Variants in NRG3 observed in about 807,000 individuals in gnomAD.
NRG3 encodes the protein neuregulin 3, also known as pro-neuregulin-3, membrane-bound isoform.
NRG3 carries 31 observed loss-of-function variants against 66.9 expected under a neutral mutation model. The observed-to-expected ratio is 0.46, with a 90% CI of 0.35 to 0.63. The LOEUF (loss-of-function observed/expected upper bound fraction) is 0.63, where lower values mean the gene tolerates loss of function less well. NRG3 is among the 20% of genes least tolerant of loss of function. The pLI, the probability that NRG3 is intolerant of heterozygous loss-of-function variation, is 0.00. For synonymous variants in NRG3, 393 were observed against 359.4 expected, an observed-to-expected ratio of 1.09 and a Z score of -1.06; for missense variants, 910 against 878.9, an observed-to-expected ratio of 1.04 and a Z score of -0.45.
intron 1 of NRG3, among the ~76,000 whole-genome samples, chr10:82,009,330 T>G (rs1447489443): frequency 6.6e-6 from 1 of 152,144 alleles, no homozygotes; most frequent in East Asian, 1.9e-4. Flanking sequence ...TTTGTAACCT[T>G]TTCCTGAATA....
At chr10:82,515,797 C>T (rs1330521041) in intron 2 of NRG3, among the ~76,000 whole-genome samples, 1 of 152,162 alleles carries the variant, frequency 6.6e-6, no homozygotes, top group Non-Finnish European at 1.5e-5. Context: ...AGGGCTTCTT[C>T]TGGAAGTTTA....
chr10:82,502,068 G>C (rs559800766), intron 2 of NRG3, among the ~76,000 whole-genome samples: 1 of 152,114 alleles, frequency 6.6e-6, no homozygotes, highest in Non-Finnish European at 1.5e-5. Flanking sequence ...GCAGAGAGAG[G>C]GTTCATTTGA....
At chr10:82,953,157 A>G (rs924924539) in intron 5 of NRG3, among the ~76,000 whole-genome samples, 1 of 151,946 alleles carries the variant, frequency 6.6e-6, no homozygotes, top group African/African-American at 2.4e-5. Context: ...TGGCTGTGGC[A>G]GTTGTAACTA....
At chr10:82,620,974 A>G (rs1165796347) in intron 2 of NRG3, among the ~76,000 whole-genome samples, 2 of 152,206 alleles carry the variant, frequency 1.3e-5, no homozygotes, top group Non-Finnish European at 2.9e-5. Context: ...CAAGGATATT[A>G]CATATATATC....
At chr10:82,937,751 T>C (rs191674827) in intron 4 of NRG3, among the ~76,000 whole-genome samples, 3 of 152,298 alleles carry the variant, frequency 2.0e-5, no homozygotes, top group Admixed American at 1.3e-4. Flanking sequence ...TGTGATTAGC[T>C]GAAACTCAGT....
At chr10:82,005,979 T>A (rs1338448360) in intron 1 of NRG3, among the ~76,000 whole-genome samples, 1 of 151,652 alleles carries the variant, frequency 6.6e-6, no homozygotes, top group East Asian at 1.9e-4. Context: ...ACACATGAGT[T>A]TTTTTAGCAT....
chr10:82,519,203 C>T (rs937931914), intron 2 of NRG3, among the ~76,000 whole-genome samples: 1 of 152,168 alleles, frequency 6.6e-6, no homozygotes, highest in African/African-American at 2.4e-5. Flanking sequence ...GTCCGGAGTA[C>T]TTCCAAGTGT....
At chr10:82,166,633 T>C (rs2072079328) in intron 1 of NRG3, 1 of 340,114 alleles carries the variant, frequency 2.9e-6, no homozygotes, top group Admixed American at 4.6e-5. Flanking sequence ...AATAATTATG[T>C]CTATATATAC....
At chr10:81,982,188 G>C (rs1350625586) in intron 1 of NRG3, among the ~76,000 whole-genome samples, 1 of 152,098 alleles carries the variant, frequency 6.6e-6, no homozygotes, top group Non-Finnish European at 1.5e-5. Context: ...TGAATACCCA[G>C]GTTTGTCACC....
intron 4 of NRG3, among the ~76,000 whole-genome samples, chr10:82,940,184 C>T (rs1322427539): frequency 1.3e-5 from 2 of 152,116 alleles, no homozygotes; most frequent in East Asian, 1.9e-4. Flanking sequence ...TTTTAGGGAT[C>T]GGTGGGCAGA....
chr10:82,828,878 A>G (rs182610127), intron 3 of NRG3, among the ~76,000 whole-genome samples: 130 of 152,310 alleles, frequency 8.5e-4, no homozygotes, highest in Middle Eastern at 6.8e-3. Context: ...TATGCTGAAC[A>G]TCTGATGGGA....
At chr10:82,767,496 C>T (rs1341983943) in intron 3 of NRG3, among the ~76,000 whole-genome samples, 2 of 152,064 alleles carry the variant, frequency 1.3e-5, no homozygotes, top group African/African-American at 4.8e-5. Flanking sequence ...TCCTGTTCAT[C>T]TGCTCTATTA....
intron 1 of NRG3, among the ~76,000 whole-genome samples, chr10:82,002,870 T>A (rs1010844360): frequency 2.0e-5 from 3 of 152,222 alleles, no homozygotes; most frequent in Non-Finnish European, 2.9e-5. Flanking sequence ...TTAAAAAAAA[T>A]TGAGTGCTAA....
chr10:82,450,217 C>T (rs927083654), intron 2 of NRG3, among the ~76,000 whole-genome samples: 2 of 152,112 alleles, frequency 1.3e-5, no homozygotes, highest in African/African-American at 4.8e-5. Context: ...TTTAATTACC[C>T]CCATGGGCCT....
chr10:81,908,789 G>A (rs771309514), intron 1 of NRG3, among the ~76,000 whole-genome samples: 1 of 152,170 alleles, frequency 6.6e-6, no homozygotes, highest in Non-Finnish European at 1.5e-5. Context: ...TGCATCTGGT[G>A]TCAGCTGCTG....
At chr10:82,127,386 T>A (rs116045383) in intron 1 of NRG3, among the ~76,000 whole-genome samples, 98 of 152,140 alleles carry the variant, frequency 6.4e-4, no homozygotes, top group African/African-American at 2.2e-3. Flanking sequence ...TTTTAGAACG[T>A]GGCAAAACAA....
Position 82,358,888 on chromosome 10 carries a change from G to C in NRG3, c.953+20G>C. ...CTGTCGGTAAGCCACTGAGGCCACT[G>C]ATGGAAAGGGCAGGCCCGTTGCAAG... On this transcript the variant is annotated intron_variant, in intron 2 of 8. Transcript: ENST00000372141. The C allele has an allele frequency of 6.2e-7, 1 of 1,614,050 alleles. No homozygotes were observed. Among genetic ancestry groups the C allele is most frequent in the Non-Finnish European group, 8.5e-7 (1 of 1,179,968 alleles).
At chr10:82,852,612 C>A (rs1467001006) in intron 3 of NRG3, among the ~76,000 whole-genome samples, 1 of 152,052 alleles carries the variant, frequency 6.6e-6, no homozygotes, top group African/African-American at 2.4e-5. Context: ...CATTCAGATT[C>A]CCAAACCTAT....
At chr10:82,921,006 A>G (rs1846368505) in intron 4 of NRG3, among the ~76,000 whole-genome samples, 1 of 152,114 alleles carries the variant, frequency 6.6e-6, no homozygotes, top group South Asian at 2.1e-4. Flanking sequence ...TTACTCCTTA[A>G]ATGTAGGCTA....
Sources: gnomAD v4.1 joint callset for allele counts (sites outside exome capture counted in the v4.1 genomes callset) on GRCh38, gnomAD v4.1.1 for gene constraint, MANE v1.5 for transcripts, NCBI Gene and HGNC (gene_info 2026-07-23, HGNC 2026-07-21) for gene names.